The following DMGDH variants were observed in gnomAD, a reference collection of about 807,000 sequenced individuals.
DMGDH encodes dimethylglycine dehydrogenase, mitochondrial.
Under a neutral mutation model 95.2 loss-of-function variants are expected in DMGDH, and 76 were observed. The observed-to-expected ratio is 0.80, with a 90% CI of 0.66 to 0.97. The LOEUF is 0.97. DMGDH is among the 50% of genes least tolerant of loss of function. The pLI is 0.00. For synonymous variants in DMGDH, 345 were observed against 377.6 expected (o/e 0.91, Z 1.00); for missense variants, 987 against 1,055.0 (o/e 0.94, Z 0.89).
intron 14 of DMGDH, among the ~76,000 whole-genome samples, chr5:79,011,001 C>T (rs1197157278): frequency 6.6e-6 from 1 of 152,038 alleles, no homozygotes; most frequent in Non-Finnish European, 1.5e-5. Flanking sequence ...GGTGGGAATC[C>T]CGTTGCAAAG....
intron 14 of DMGDH, among the ~76,000 whole-genome samples, chr5:79,015,036 G>A (rs1262443097): frequency 1.3e-5 from 2 of 152,078 alleles, no homozygotes; most frequent in Non-Finnish European, 2.9e-5. Flanking sequence ...TATATCTGAA[G>A]GGTCCAAAGC....
chr5:79,051,594 G>T, intron 4 of DMGDH, 103 bp from the exon 5 acceptor site: 1 of 1,132,448 alleles, frequency 8.8e-7, no homozygotes, highest in Non-Finnish European at 1.3e-6. Flanking sequence ...GACTTCAAAA[G>T]TGTTTCTTGA....
intron 2 of DMGDH, among the ~76,000 whole-genome samples, chr5:79,062,477 T>C (rs1316742603): frequency 1.3e-5 from 2 of 150,714 alleles, no homozygotes; most frequent in African/African-American, 4.9e-5. Context: ...AGGCTAATGA[T>C]GAAATGGGAT....
intron 14 of DMGDH, among the ~76,000 whole-genome samples, chr5:79,020,404 A>C (rs2364143): frequency 0.33 from 50,304 of 152,042 alleles, 9,089 homozygotes; most frequent in African/African-American, 0.48. Context: ...TGCTTTGACC[A>C]CTATATTAAC....
intron 3 of DMGDH, among the ~76,000 whole-genome samples, 196 bp downstream of exon 3, chr5:79,055,614 T>C (rs1361185394): frequency 2.6e-5 from 4 of 152,238 alleles, no homozygotes; most frequent in African/African-American, 9.6e-5. Context: ...GTTCATGACA[T>C]GAATAATATA....
At chr5:79,053,019 G>A (rs986165566) in intron 4 of DMGDH, among the ~76,000 whole-genome samples, 1 of 152,200 alleles carries the variant, frequency 6.6e-6, no homozygotes, top group Non-Finnish European at 1.5e-5. Context: ...GAGTCAGAGA[G>A]CATGGGTTTA....
rs115772376 is a variant in DMGDH, at chr5:79,040,135, G to C, written c.1193+2148C>G. On this transcript the variant is annotated intron_variant, in intron 7 of 15. Coordinates refer to ENST00000255189, the MANE Select transcript of DMGDH (RefSeq NM_013391.3). ...AGTATGGGTGTCTCCCGAGACTTGAGACTGTTGTCCGAAGTGAGAGCAGTC... is the reference window on the plus strand; with the variant it reads ...AGTATGGGTGTCTCCCGAGACTTGACACTGTTGTCCGAAGTGAGAGCAGTC... 8.6e-3 allele frequency among the ~76,000 whole-genome samples: 1,309 copies of C among 152,312 alleles called. 17 individuals carry two copies. The highest frequency in any genetic ancestry group is 0.03 in the African/African-American group (1,242 of 41,550).
chr5:79,010,925 C>T (rs1043139705), intron 14 of DMGDH, among the ~76,000 whole-genome samples: 8 of 152,088 alleles, frequency 5.3e-5, no homozygotes, highest in Admixed American at 5.2e-4. Context: ...TGCCACTATC[C>T]TTCAATATTT....
At chr5:79,048,807 T>C (rs914616282) in intron 5 of DMGDH, among the ~76,000 whole-genome samples, 6 of 151,684 alleles carry the variant, frequency 4.0e-5, no homozygotes, top group Non-Finnish European at 8.8e-5. Context: ...ACACCTCCTG[T>C]GGACTACTAA....
At chr5:79,000,232 T>C in intron 15 of DMGDH, 7 of 628,544 alleles carry the variant, frequency 1.1e-5, no homozygotes, top group Admixed American at 1.1e-4. Flanking sequence ...AATCCCTCCA[T>C]ACCAGCGTGA....
At chr5:79,054,774 T>C (rs1326381475) in intron 3 of DMGDH, among the ~76,000 whole-genome samples, 1 of 152,250 alleles carries the variant, frequency 6.6e-6, no homozygotes, top group Non-Finnish European at 1.5e-5. Context: ...GCTTAGATTG[T>C]CTGAATTGAA....
At chr5:79,068,361 A>G (rs1755441368) in intron 1 of DMGDH, among the ~76,000 whole-genome samples, 1 of 152,254 alleles carries the variant, frequency 6.6e-6, no homozygotes, top group Non-Finnish European at 1.5e-5. Flanking sequence ...TTTACAAAGC[A>G]CTTTCACATG....
rs142107565 is a variant in DMGDH at position 79,040,381 on chromosome 5, T to C, written c.1193+1902A>G. 8.4e-4 allele frequency among the ~76,000 whole-genome samples: 128 copies of C among 152,354 alleles called. 3 individuals carry two copies. In the East Asian group the frequency reaches 0.016, roughly 19 times the overall value. Reference sequence around the variant, plus strand: ...AGGACAGAATAGTCTTTTCAATGAATAGTTCTGGGACAACTGGCTATACAT... The same window carrying C: ...AGGACAGAATAGTCTTTTCAATGAACAGTTCTGGGACAACTGGCTATACAT... On this transcript the variant is annotated intron_variant, in intron 7 of 15. Coordinates refer to ENST00000255189, the MANE Select transcript of DMGDH (RefSeq NM_013391.3).
chr5:79,014,873 C>A (rs144579363), intron 14 of DMGDH, among the ~76,000 whole-genome samples: 1 of 134,192 alleles, frequency 7.5e-6, no homozygotes, highest in Non-Finnish European at 1.6e-5. Flanking sequence ...CACTAGTGAT[C>A]AGACACAGGG....
chr5:79,056,582 G>A (rs1199130135), intron 2 of DMGDH, among the ~76,000 whole-genome samples: 1 of 151,218 alleles, frequency 6.6e-6, no homozygotes, highest in Non-Finnish European at 1.5e-5. Context: ...GGCCAGGCGT[G>A]GTGGCTCATG....
At chr5:79,028,672 G>A in intron 11 of DMGDH, 22 bp from the exon 12 acceptor site, 1 of 1,609,496 alleles carries the variant, frequency 6.2e-7, no homozygotes, top group South Asian at 1.1e-5. Flanking sequence ...TCATGAACAT[G>A]GTGTTAAATA....
At chr5:79,054,151 A>C in intron 4 of DMGDH, 33 bp downstream of exon 4, 2 of 1,610,726 alleles carry the variant, frequency 1.2e-6, no homozygotes, top group Non-Finnish European at 1.7e-6. Flanking sequence ...TACTTAAGTC[A>C]ACAAATGGTA....
In DMGDH at chr5:78,997,940, G is replaced by A. The variant is rs1440590784; in HGVS notation, c.*142C>T. 2.7e-5 allele frequency: 22 copies of A among 814,284 alleles called. 1 individual carries two copies. Among genetic ancestry groups the A allele is most frequent in the Middle Eastern group, 5.1e-4 (2 of 3,890 alleles). 50.4% of individuals were successfully genotyped at this position (814,284 alleles called of 1,614,324 possible). ...TTGCTTAGAAAACACTTAACAGAAA[G>A]GTTTCATTAAGATTCTAAATTTAGA... On this transcript the variant is annotated 3_prime_UTR_variant, in exon 16 of 16. Transcript: ENST00000255189.
rs555995463 is a variant in DMGDH, at chr5:79,020,547, C to T, written c.2250+3724G>A. 94 of 474,990 alleles carry T rather than the reference C, an allele frequency of 2.0e-4. 1 individual carries two copies. The highest frequency in any genetic ancestry group is 2.2e-3 in the Middle Eastern group (2 of 906). 29.4% of individuals were successfully genotyped at this position (474,990 alleles called of 1,614,324 possible). On this transcript the variant is annotated intron_variant, in intron 14 of 15. Coordinates refer to ENST00000255189, the MANE Select transcript of DMGDH (RefSeq NM_013391.3). The stretch of plus-strand genomic sequence containing the variant: ...GGGGTGTGGAAGGCTTGGTACTAAG[C>T]GCTTTGCCTCTTTACCAGCTTTTTT...
Sources: allele counts gnomAD v4.1 joint callset (sites outside exome capture counted in the v4.1 genomes callset), GRCh38; gene constraint gnomAD v4.1.1; transcripts MANE v1.5; gene names NCBI Gene and HGNC (gene_info 2026-07-23, HGNC 2026-07-21).